BTN3A1: variants seen among roughly 807,000 people sequenced by gnomAD.
BTN3A1 encodes butyrophilin subfamily 3 member A1.
BTN3A1 carries 24 observed loss-of-function variants against 43.0 expected under a neutral mutation model. The ratio of observed to expected loss-of-function variants is 0.56; its 90% CI spans 0.40 to 0.78. The LOEUF (loss-of-function observed/expected upper bound fraction) is 0.78, where lower values mean the gene tolerates loss of function less well. Ranked by LOEUF, BTN3A1 falls within the 30% of genes least tolerant of loss-of-function variation. The pLI is 0.00. For synonymous variants in BTN3A1, 181 were observed against 234.7 expected (o/e 0.77, Z 2.09); for missense variants, 533 against 626.2 (o/e 0.85, Z 1.59).
intron 9 of BTN3A1, chr6:26,412,638 G>C (rs1762258262): frequency 1.3e-6 from 2 of 1,550,090 alleles, no homozygotes; most frequent in African/African-American, 2.7e-5. Flanking sequence ...GCCTGCTGTG[G>C]GCTGAGTAAA....
At position 26,405,466 on chromosome 6, in the gene BTN3A1, C is replaced by G. The variant is rs1761980465; in HGVS notation, c.-98C>G. 8.3e-7 allele frequency: 1 copy of G among 1,201,812 alleles called. No individual in the cohort carries two copies. The highest frequency in any genetic ancestry group is 1.7e-5 in the Admixed American group (1 of 57,326). The allele number at this position is 1,201,812 out of a possible 1,614,324, so 74.4% of individuals were successfully genotyped here. On this transcript the variant is annotated 5_prime_UTR_variant, in exon 2 of 10. Transcript: ENST00000289361. ...TCTTCGGTCACCATACTTGAGTTAG[C>G]TCTAGGGAAGTGGAGGTTTCCATTT... is the stretch of plus-strand genomic sequence containing the variant.
intron 9 of BTN3A1, chr6:26,412,721 G>A (rs1561849288): frequency 6.4e-7 from 1 of 1,551,348 alleles, no homozygotes; most frequent in Non-Finnish European, 8.7e-7. Context: ...AAATGCTTCA[G>A]ATGAGGCTCC....
chr6:26,405,500 A>T lies in BTN3A1; in HGVS notation c.-64A>T. Reference sequence around the variant, plus strand: ...AGTGGAGGTTTCCATTTGGAATTCTATAGCTTCTTCCAGGTCATAGTGTCT... The same window carrying T: ...AGTGGAGGTTTCCATTTGGAATTCTTTAGCTTCTTCCAGGTCATAGTGTCT... On this transcript the variant is annotated 5_prime_UTR_variant, in exon 2 of 10. Transcript: ENST00000289361. 1 of 1,484,216 alleles carries T rather than the reference A, an allele frequency of 6.7e-7. No individual in the cohort carries two copies. Among genetic ancestry groups the T allele is most frequent in the Non-Finnish European group, 9.4e-7 (1 of 1,062,330 alleles). 91.9% of individuals were successfully genotyped at this position (1,484,216 alleles called of 1,614,324 possible).
At chr6:26,409,023 G>A (rs1762113033) in intron 4 of BTN3A1, among the ~76,000 whole-genome samples, 1 of 152,158 alleles carries the variant, frequency 6.6e-6, no homozygotes, top group African/African-American at 2.4e-5. Context: ...AAGGGCAGTA[G>A]GAACAGAGAG....
Position 26,413,906 on chromosome 6 carries a change from TACTC to T in BTN3A1, c.*216_*219del. On this transcript the variant is annotated 3_prime_UTR_variant, in exon 10 of 10. Transcript: ENST00000289361. ...AGCACGCACTGAAGCACTTTACTGA[TACTC>T]ATTCAATTATTCATATGACAGTTGT... 1.3e-6 allele frequency: 1 copy of T among 777,766 alleles called. No individual in the cohort carries two copies. Among genetic ancestry groups the T allele is most frequent in the Non-Finnish European group, 2.0e-6 (1 of 494,244 alleles). The allele number at this position is 777,766 out of a possible 1,614,324, so 48.2% of individuals were successfully genotyped here.
chr6:26,405,442 C>T lies in BTN3A1; in HGVS notation c.-122C>T, dbSNP rs1761979332. Reference sequence around the variant, plus strand: ...GAATTTTTGGCAGAGGAAAGATCTTCTTCGGTCACCATACTTGAGTTAGCT... The same window carrying T: ...GAATTTTTGGCAGAGGAAAGATCTTTTTCGGTCACCATACTTGAGTTAGCT... On this transcript the variant is annotated 5_prime_UTR_variant, in exon 2 of 10. Coordinates refer to ENST00000289361, the MANE Select transcript of BTN3A1 (RefSeq NM_007048.6). 2 of 925,754 alleles carry T rather than the reference C, an allele frequency of 2.2e-6. No individual in the cohort carries two copies. Among genetic ancestry groups the T allele is most frequent in the African/African-American group, 3.3e-5 (2 of 60,658 alleles). The allele number at this position is 925,754 out of a possible 1,614,324, so 57.3% of individuals were successfully genotyped here. A position where few individuals can be genotyped will look rare whatever the true frequency, so the allele number is the denominator to read the frequency against.
chr6:26,408,068 C>T, intron 4 of BTN3A1, 116 bp downstream of exon 4: 1 of 1,495,120 alleles, frequency 6.7e-7, no homozygotes, highest in East Asian at 2.3e-5. Context: ...AGGCCCAAAG[C>T]ACAGACCTGG....
chr6:26,411,113 A>T lies in BTN3A1; in HGVS notation c.969A>T (p.Gly323=). The T allele has an allele frequency of 6.2e-7, 1 of 1,601,264 alleles. No individual in the cohort carries two copies. The highest frequency in any genetic ancestry group is 8.5e-7 in the Non-Finnish European group (1 of 1,174,706). ...TCTATCTTTTTTTCATTGTAGGGGG[A>T]GAGAGACATTCAGCCTATAATGGTG... The part of the protein sequence containing the change: ...RWRSIQYASR[G]ERHSAYNEWK... The change falls in exon 8 of 10, where the codon GGA becomes GGT. Residue 323 remains glycine, a synonymous_variant. Transcript: ENST00000289361.
intron 9 of BTN3A1, 144 bp downstream of exon 9, chr6:26,411,725 A>G: frequency 5.6e-6 from 6 of 1,067,714 alleles, no homozygotes; most frequent in Admixed American, 5.3e-5. Flanking sequence ...TTAAATTCCA[A>G]TCTGAAAAGT....
At position 26,414,524 on chromosome 6, in the gene BTN3A1, T is replaced by C. The variant is rs1335960627; in HGVS notation, c.*832T>C. On this transcript the variant is annotated 3_prime_UTR_variant, in exon 10 of 10. Transcript: ENST00000289361. ...TTTGGAAAGAGACTAGAGGCCACAC[T>C]TGATAAATCATGGGGAACAGATGTG... 1 of 152,226 alleles carries C rather than the reference T, an allele frequency of 6.6e-6. No individual in the cohort carries two copies. Among genetic ancestry groups the C allele is most frequent in the African/African-American group, 2.4e-5 (1 of 41,430 alleles). The allele number at this position is 152,226 out of a possible 1,614,324, so 9.4% of individuals were successfully genotyped here.
At chr6:26,411,810 C>A in intron 9 of BTN3A1, 4 of 528,314 alleles carry the variant, frequency 7.6e-6, no homozygotes, top group Non-Finnish European at 1.3e-5. Context: ...CTTCCTCAGA[C>A]CTTCCTGGGA....
At position 26,405,899 on chromosome 6, in the gene BTN3A1, G is replaced by C; in HGVS notation, c.86-10G>C. Reference sequence around the variant, plus strand: ...AACCCTCTGACAGATCCTCCCCCTTGTGCCTACAGCTCAGTTTTCTGTGCT... The same window carrying C: ...AACCCTCTGACAGATCCTCCCCCTTCTGCCTACAGCTCAGTTTTCTGTGCT... On this transcript the variant is annotated splice_polypyrimidine_tract_variant and intron_variant, in intron 2 of 9. Coordinates refer to ENST00000289361, the MANE Select transcript of BTN3A1 (RefSeq NM_007048.6). 6.2e-7 allele frequency: 1 copy of C among 1,613,684 alleles called. No homozygotes were observed. The highest frequency in any genetic ancestry group is 1.3e-5 in the African/African-American group (1 of 74,988).
At chr6:26,412,631 T>C in intron 9 of BTN3A1, 2 of 1,548,766 alleles carry the variant, frequency 1.3e-6, no homozygotes, top group Non-Finnish European at 1.7e-6. Flanking sequence ...CTTCATGGCC[T>C]GCTGTGGGCT....
chr6:26,405,903 C>T lies in BTN3A1; in HGVS notation c.86-6C>T, dbSNP rs527607062. 219 of 1,613,708 alleles carry T rather than the reference C, an allele frequency of 1.4e-4. 1 individual carries two copies. Among genetic ancestry groups the T allele is most frequent in the Middle Eastern group, 8.3e-4 (5 of 6,056 alleles). ...CTCTGACAGATCCTCCCCCTTGTGC[C>T]TACAGCTCAGTTTTCTGTGCTTGGA... On this transcript the variant is annotated splice_region_variant and splice_polypyrimidine_tract_variant and intron_variant, in intron 2 of 9. Coordinates refer to ENST00000289361, the MANE Select transcript of BTN3A1 (RefSeq NM_007048.6).
At chr6:26,412,812 A>C in intron 9 of BTN3A1, 1 of 1,550,114 alleles carries the variant, frequency 6.5e-7, no homozygotes, top group East Asian at 2.4e-5. Context: ...GGTCGAATGA[A>C]GGTTGAAAAT....
chr6:26,409,740 G>T lies in BTN3A1; in HGVS notation c.916+7G>T. 6.4e-7 allele frequency: 1 copy of T among 1,571,922 alleles called. No homozygotes were observed. Among genetic ancestry groups the T allele is most frequent in the South Asian group, 1.2e-5 (1 of 83,932 alleles). ...CAAGAACAAAGCACAAGAGGTAGCT[G>T]ACCTTGGGAGTTTATCTGAGCCCCT... On this transcript the variant is annotated splice_region_variant and intron_variant, in intron 5 of 9. Coordinates refer to ENST00000289361, the MANE Select transcript of BTN3A1 (RefSeq NM_007048.6).
At chr6:26,409,058 A>G (rs1257087166) in intron 4 of BTN3A1, among the ~76,000 whole-genome samples, 1 of 151,554 alleles carries the variant, frequency 6.6e-6, no homozygotes, top group Non-Finnish European at 1.5e-5. Flanking sequence ...CTAAAGTCAC[A>G]CTGCAAGTCA....
In BTN3A1 at chr6:26,413,682, G is replaced by T; in HGVS notation, c.1532G>T (p.Cys511Phe). The T allele has an allele frequency of 6.2e-7, 1 of 1,613,000 alleles. No individual in the cohort carries two copies. Among genetic ancestry groups the T allele is most frequent in the Non-Finnish European group, 8.5e-7 (1 of 1,179,642 alleles). ...LTLEPTALTI[C>F]PA Reference sequence around the variant, plus strand: ...TTGGAGCCCACGGCCCTGACTATTTGTCCAGCGTGAAAAGAAGAAGAGAGT... The same window carrying T: ...TTGGAGCCCACGGCCCTGACTATTTTTCCAGCGTGAAAAGAAGAAGAGAGT... Residue 511 changes from cysteine (C) to phenylalanine (F), a missense_variant, in exon 10 of 10, where the codon TGT (cysteine) becomes TTT (phenylalanine). This residue lies in a region of BTN3A1 where 415 missense variants were observed against 427.0 expected (regional missense o/e 0.97). Transcript: ENST00000289361.
chr6:26,411,436 G>C (rs1581632182), intron 8 of BTN3A1, 119 bp from the exon 9 acceptor site: 6 of 1,296,764 alleles, frequency 4.6e-6, no homozygotes. Context: ...GAAGAGGGAG[G>C]CTGGACCCTG....
Sources: gnomAD v4.1 joint callset for allele counts (sites outside exome capture counted in the v4.1 genomes callset) on GRCh38, gnomAD v4.1.1 for gene constraint, gnomAD v4.1.1 regional missense constraint, MANE v1.5 for transcripts, NCBI Gene and HGNC (gene_info 2026-07-23, HGNC 2026-07-21) for gene names.